KCNA3: variants seen among roughly 807,000 people sequenced by gnomAD.
The protein encoded by KCNA3 is RP11-284N8.3.
KCNA3 carries 18 observed loss-of-function variants against 34.3 expected under a neutral mutation model. The ratio of observed to expected loss-of-function variants is 0.52; its 90% confidence interval spans 0.36 to 0.78. KCNA3 has a LOEUF of 0.78. Ranked by LOEUF, KCNA3 falls within the 30% of genes least tolerant of loss-of-function variation. The pLI, the probability that KCNA3 is intolerant of heterozygous loss-of-function variation, is 0.00. For missense variants in KCNA3, 587 were observed against 802.5 expected (o/e 0.73, Z 3.24); for synonymous variants, 324 against 351.7 (o/e 0.92, Z 0.88).
At position 110,674,436 on chromosome 1, in the gene KCNA3, A is replaced by C; in HGVS notation, c.374T>G (p.Phe125Cys). 6.2e-7 allele frequency: 1 copy of C among 1,614,014 alleles called. No homozygotes were observed. Among genetic ancestry groups the C allele is most frequent in the Non-Finnish European group, 8.5e-7 (1 of 1,179,966 alleles). The stretch of plus-strand genomic sequence containing the variant: ...GGGGTCGCCCAGCAGCGTCTCGGGG[A>C]ACTGGCAAAGGGTCTTCAGCTGCGT... ...FETQLKTLCQ[F>C]PETLLGDPKR... Residue 125 changes from phenylalanine to cysteine, a missense_variant, in exon 1 of 1, where the codon TTC becomes TGC. This residue lies in a region of KCNA3 where 341 missense variants were observed against 355.4 expected (regional missense o/e 0.96). Coordinates refer to ENST00000369769, the MANE Select transcript of KCNA3 (RefSeq NM_002232.5). The surrounding 1 kb of genome is among the most constrained non-coding windows in gnomAD (Gnocchi z 6.4).
chr1:110,674,432 G>C lies in KCNA3; in HGVS notation c.378C>G (p.Pro126=), dbSNP rs746165002. The C allele has an allele frequency of 6.2e-7, 1 of 1,614,000 alleles. No homozygotes were observed. The highest frequency in any genetic ancestry group is 8.5e-7 in the Non-Finnish European group (1 of 1,180,004). ...ETQLKTLCQF[P]ETLLGDPKRR... ...GCTTGGGGTCGCCCAGCAGCGTCTC[G>C]GGGAACTGGCAAAGGGTCTTCAGCT... is the stretch of plus-strand genomic sequence containing the variant. Residue 126 remains proline (P), a synonymous_variant, in exon 1 of 1, where the codon CCC becomes CCG. Coordinates refer to ENST00000369769, the MANE Select transcript of KCNA3 (RefSeq NM_002232.5). The surrounding 1 kb of genome is among the most constrained non-coding windows in gnomAD (Gnocchi z 6.4).
chr1:110,667,385 C>G, the KCNA3 span, among the ~76,000 whole-genome samples: 13 of 152,142 alleles, frequency 8.5e-5, no homozygotes, highest in African/African-American at 3.1e-4. Context: ...AGAGAAAAAG[C>G]TTCTCCCCAA....
the KCNA3 span, among the ~76,000 whole-genome samples, chr1:110,664,612 C>T: frequency 1.3e-5 from 2 of 152,158 alleles, no homozygotes; most frequent in Admixed American, 1.3e-4. Context: ...TTTCCTTCCT[C>T]TCATCTCTCC....
At chr1:110,659,496 T>A in the KCNA3 span, among the ~76,000 whole-genome samples, 3 of 152,218 alleles carry the variant, frequency 2.0e-5, no homozygotes, top group Non-Finnish European at 4.4e-5. Flanking sequence ...ATATAACTGC[T>A]ACTGCATTCT....
the KCNA3 span, among the ~76,000 whole-genome samples, chr1:110,659,188 CA>C: frequency 1.3e-4 from 14 of 104,666 alleles, no homozygotes; most frequent in East Asian, 1.9e-3. Flanking sequence ...AAAAAAAAAA[CA>C]CAAAAAACAG....
At chr1:110,664,290 C>T in the KCNA3 span, among the ~76,000 whole-genome samples, 7 of 152,148 alleles carry the variant, frequency 4.6e-5, no homozygotes, top group Admixed American at 2.0e-4. Flanking sequence ...AAAACATGGT[C>T]TTTGTGAAGC....
downstream of KCNA3, among the ~76,000 whole-genome samples, chr1:110,669,499 G>A (rs942877229): frequency 3.9e-5 from 6 of 152,028 alleles, no homozygotes; most frequent in African/African-American, 1.4e-4. Context: ...TTTTAAGCAG[G>A]TTAATTTTCA....
the KCNA3 span, chr1:110,655,029 A>C: frequency 6.6e-6 from 1 of 152,120 alleles, no homozygotes; most frequent in African/African-American, 2.4e-5. Flanking sequence ...GAGGTGTTGT[A>C]TTTGTTATTC....
chr1:110,674,501 C>T lies in KCNA3; in HGVS notation c.309G>A (p.Gly103=). ...CGGAGATGTTGATGACCACGCGCTC[C>T]CCGCAGCAGTCCTGCTCGCCCGCGG... ...LPAAGEQDCC[G]ERVVINISGL... Residue 103 remains glycine, a synonymous_variant, in exon 1 of 1, where the codon GGG becomes GGA. Coordinates refer to ENST00000369769, the MANE Select transcript of KCNA3 (RefSeq NM_002232.5). The surrounding 1 kb of genome is among the most constrained non-coding windows in gnomAD (Gnocchi z 6.4). 1 of 1,613,478 alleles carries T rather than the reference C, an allele frequency of 6.2e-7. No homozygotes were observed.
chr1:110,659,143 T>G, the KCNA3 span, among the ~76,000 whole-genome samples: 1 of 151,058 alleles, frequency 6.6e-6, no homozygotes. Context: ...AACACGACTA[T>G]ATCTCATGAT....
downstream of KCNA3, among the ~76,000 whole-genome samples, chr1:110,670,548 A>T (rs1323879021): frequency 6.6e-6 from 1 of 152,200 alleles, no homozygotes; most frequent in African/African-American, 2.4e-5. Context: ...AAATTATTTT[A>T]ATGTAATTGT....
chr1:110,654,494 T>C, the KCNA3 span: 1 of 152,126 alleles, frequency 6.6e-6, no homozygotes, highest in African/African-American at 2.4e-5. Flanking sequence ...GATGGATTTT[T>C]AAAAAGGGAG....
downstream of KCNA3, among the ~76,000 whole-genome samples, chr1:110,670,730 T>A (rs990744836): frequency 6.6e-6 from 1 of 152,120 alleles, no homozygotes; most frequent in Non-Finnish European, 1.5e-5. Flanking sequence ...AAAACAAATA[T>A]ATGATAAAAA....
the KCNA3 span, among the ~76,000 whole-genome samples, chr1:110,657,719 T>G: frequency 6.6e-6 from 1 of 152,218 alleles, no homozygotes; most frequent in Non-Finnish European, 1.5e-5. Flanking sequence ...TCATTCGTGT[T>G]TTATAAAGGT....
downstream of KCNA3, among the ~76,000 whole-genome samples, chr1:110,670,913 T>A (rs890783584): frequency 6.6e-6 from 1 of 152,178 alleles, no homozygotes; most frequent in Admixed American, 6.5e-5. Context: ...AAAAATAGGG[T>A]TACTCTCATT....
chr1:110,666,277 T>C, the KCNA3 span, among the ~76,000 whole-genome samples: 2 of 151,938 alleles, frequency 1.3e-5, no homozygotes, highest in Non-Finnish European at 2.9e-5. Flanking sequence ...AATAGGGGAA[T>C]TGAAAAAACC....
At chr1:110,657,547 C>T in the KCNA3 span, among the ~76,000 whole-genome samples, 1 of 152,132 alleles carries the variant, frequency 6.6e-6, no homozygotes, top group Non-Finnish European at 1.5e-5. Context: ...AAACCAGTAG[C>T]ATTTTTACTA....
At chr1:110,663,804 C>T in the KCNA3 span, among the ~76,000 whole-genome samples, 2 of 152,034 alleles carry the variant, frequency 1.3e-5, no homozygotes, top group African/African-American at 4.8e-5. Flanking sequence ...TAAGTTTGAC[C>T]GTTTTATAAA....
downstream of KCNA3, among the ~76,000 whole-genome samples, chr1:110,667,884 C>T (rs1273684598): frequency 6.6e-6 from 1 of 152,104 alleles, no homozygotes; most frequent in Non-Finnish European, 1.5e-5. Flanking sequence ...ATAAAGAATA[C>T]TATTATCATA....
Sources: allele counts gnomAD v4.1 joint callset (sites outside exome capture counted in the v4.1 genomes callset), GRCh38; gene constraint gnomAD v4.1.1; regional missense constraint gnomAD v4.1.1; non-coding constraint Gnocchi (gnomAD v3.1); transcripts MANE v1.5; gene names NCBI Gene and HGNC (gene_info 2026-07-23, HGNC 2026-07-21).